The following CALN1 variants were observed in gnomAD, a reference collection of about 807,000 sequenced individuals.
The protein encoded by CALN1 is calcium-binding protein 8.
CALN1 carries 17 observed loss-of-function variants against 30.6 expected under a neutral mutation model. That is an observed-to-expected ratio of 0.56 (90% CI 0.38 to 0.83). The LOEUF (loss-of-function observed/expected upper bound fraction) is 0.83, where lower values mean the gene tolerates loss of function less well. Among genes scored for constraint, CALN1 ranks in the 40% least tolerant of loss-of-function variants. CALN1 has a pLI of 0.00. For synonymous variants in CALN1, 156 were observed against 131.4 expected (o/e 1.19, Z -1.28); for missense variants, 291 against 354.9 (o/e 0.82, Z 1.45).
At chr7:71,816,023 CTAATTTTTTTTT>C (rs889809270) in intron 5 of CALN1, among the ~76,000 whole-genome samples, 12 of 145,136 alleles carry the variant, frequency 8.3e-5, no homozygotes, top group African/African-American at 1.1e-4. Flanking sequence ...CCAGACCTGG[CTAATTTTTTTTT>C]TAATTTTTTT....
chr7:72,429,739 G>A lies in CALN1; in HGVS notation c.-226+17303C>T, dbSNP rs1455909003. On this transcript the variant is annotated intron_variant, in intron 1 of 6. Transcript: ENST00000395276. ...TATATGTAATTATATATATGTCTGT[G>A]TATATATATATATACACATCTGTAT... 7.9e-5 allele frequency among the ~76,000 whole-genome samples: 11 copies of A among 139,680 alleles called. No individual in the cohort carries two copies. The East Asian group carries it at 1.6e-3, about 20-fold the overall frequency. The allele number at this position is 139,680 out of a possible 152,430, so 91.6% of individuals were successfully genotyped here. A position where few individuals can be genotyped will look rare whatever the true frequency, so the allele number is the denominator to read the frequency against.
At chr7:72,288,221 T>C (rs952938216) in intron 2 of CALN1, among the ~76,000 whole-genome samples, 1 of 152,034 alleles carries the variant, frequency 6.6e-6, no homozygotes, top group African/African-American at 2.4e-5. Flanking sequence ...TCACGTGAGT[T>C]GGGAGCACTC....
At chr7:72,153,640 C>CA (rs1250538554) in intron 3 of CALN1, among the ~76,000 whole-genome samples, 2 of 151,968 alleles carry the variant, frequency 1.3e-5, no homozygotes, top group Non-Finnish European at 2.9e-5. Flanking sequence ...CATGATTCGT[C>CA]ACTGCACCCT....
At chr7:71,950,247 G>C (rs934652843) in intron 5 of CALN1, among the ~76,000 whole-genome samples, 1 of 152,092 alleles carries the variant, frequency 6.6e-6, no homozygotes, top group Non-Finnish European at 1.5e-5. Context: ...CACAAGTATG[G>C]GCAGGGCGGA....
chr7:71,884,573 A>T (rs1167396134), intron 5 of CALN1, among the ~76,000 whole-genome samples: 2 of 152,052 alleles, frequency 1.3e-5, no homozygotes, highest in Non-Finnish European at 2.9e-5. Context: ...GTCACCTTTT[A>T]AAAATAATAC....
At chr7:72,445,305 C>T (rs866994548) in intron 1 of CALN1, among the ~76,000 whole-genome samples, 14 of 152,096 alleles carry the variant, frequency 9.2e-5, no homozygotes, top group Non-Finnish European at 2.1e-4. Context: ...GCTGTGTGGA[C>T]GAACCTTCTC....
chr7:71,840,507 AAAAAG>A (rs1789876241), intron 5 of CALN1, among the ~76,000 whole-genome samples: 1 of 141,394 alleles, frequency 7.1e-6, no homozygotes, highest in African/African-American at 2.5e-5. Context: ...AAAAAAAAAA[AAAAAG>A]AGAAAAAGAA....
At chr7:71,981,552 G>T (rs758134036) in intron 5 of CALN1, among the ~76,000 whole-genome samples, 13 of 152,072 alleles carry the variant, frequency 8.5e-5, no homozygotes, top group Non-Finnish European at 1.3e-4. Context: ...TACTCAGGAG[G>T]ATGAGGCACA....
chr7:72,469,251 A>C, the CALN1 span, among the ~76,000 whole-genome samples: 1 of 152,166 alleles, frequency 6.6e-6, no homozygotes, highest in Non-Finnish European at 1.5e-5. Flanking sequence ...TTAATGTAAT[A>C]TGGGGTAGGT....
the CALN1 span, among the ~76,000 whole-genome samples, chr7:72,464,878 G>A: frequency 2.6e-5 from 4 of 151,472 alleles, no homozygotes; most frequent in African/African-American, 7.4e-5. Context: ...AATGGGACCC[G>A]ACCCAACCTA....
intron 5 of CALN1, among the ~76,000 whole-genome samples, chr7:71,814,011 A>C (rs1403684510): frequency 6.6e-6 from 1 of 151,386 alleles, no homozygotes; most frequent in Non-Finnish European, 1.5e-5. Context: ...CACGGGTCCC[A>C]GGAAGGGTGT....
intron 5 of CALN1, among the ~76,000 whole-genome samples, chr7:71,971,275 C>T (rs560020641): frequency 6.6e-6 from 1 of 152,116 alleles, no homozygotes; most frequent in East Asian, 1.9e-4. Context: ...ATGGTGAAAC[C>T]CCGTCTCTAC....
intron 4 of CALN1, among the ~76,000 whole-genome samples, chr7:72,024,024 C>T (rs2129530262): frequency 6.6e-6 from 1 of 152,312 alleles, no homozygotes; most frequent in East Asian, 1.9e-4. Context: ...CCAACCATCA[C>T]TTCCCACTTA....
intron 5 of CALN1, among the ~76,000 whole-genome samples, chr7:72,020,572 G>A (rs1296047156): frequency 6.6e-6 from 1 of 152,152 alleles, no homozygotes. Flanking sequence ...AAAATTCTGA[G>A]CTGGGTGAGC....
intron 4 of CALN1, among the ~76,000 whole-genome samples, chr7:72,073,869 T>C (rs1056443558): frequency 2.0e-5 from 3 of 152,120 alleles, no homozygotes; most frequent in South Asian, 2.1e-4. Flanking sequence ...AATTTTTTAA[T>C]TGTTTTCTAG....
intron 3 of CALN1, among the ~76,000 whole-genome samples, chr7:72,252,354 C>G (rs1287951243): frequency 6.6e-6 from 1 of 152,176 alleles, no homozygotes; most frequent in Non-Finnish European, 1.5e-5. Flanking sequence ...ATTCCTAGCA[C>G]TTAGGGAGGC....
chr7:72,353,682 T>C (rs561426794), intron 2 of CALN1, among the ~76,000 whole-genome samples: 10 of 152,286 alleles, frequency 6.6e-5, no homozygotes, highest in South Asian at 4.1e-4. Context: ...TATTGAACAT[T>C]TGTTGGAGGC....
rs540889429 is a variant in CALN1 at position 72,358,936 on chromosome 7, CCTGG to C, written c.119+44311_119+44314del. Among the ~76,000 whole-genome samples, 1,143 of 151,384 alleles carry C rather than the reference CCTGG, an allele frequency of 7.6e-3. 15 individuals are homozygous for C. The highest frequency in any genetic ancestry group is 0.027 in the African/African-American group (1,089 of 41,084). On this transcript the variant is annotated intron_variant, in intron 2 of 6. Transcript: ENST00000395275. ...TCGTGTCACTGCACTCCAGCTCCAGCCTGGCTGACAAGGTGAGACTCTACCTCAA... is the reference window on the plus strand; with the variant it reads ...TCGTGTCACTGCACTCCAGCTCCAGCCTGACAAGGTGAGACTCTACCTCAA...
At chr7:72,215,967 G>A (rs1194235092) in intron 3 of CALN1, among the ~76,000 whole-genome samples, 1 of 152,026 alleles carries the variant, frequency 6.6e-6, no homozygotes, top group Non-Finnish European at 1.5e-5. Context: ...GATCTGCATG[G>A]GAATCTGAGA....
Sources: allele counts gnomAD v4.1 joint callset (sites outside exome capture counted in the v4.1 genomes callset), GRCh38; gene constraint gnomAD v4.1.1; transcripts MANE v1.5; gene names NCBI Gene and HGNC (gene_info 2026-07-23, HGNC 2026-07-21).